The following ZMIZ1 variants were observed in gnomAD, a reference collection of about 807,000 sequenced individuals.
ZMIZ1 encodes the protein zinc finger MIZ domain-containing protein 1.
ZMIZ1 carries 17 observed loss-of-function variants against 113.9 expected under a neutral mutation model. The ratio of observed to expected loss-of-function variants is 0.15; its 90% CI spans 0.10 to 0.22. The LOEUF (loss-of-function observed/expected upper bound fraction) is 0.22. Among genes scored for constraint, ZMIZ1 ranks in the 10% least tolerant of loss-of-function variants. The pLI is 1.00. For synonymous variants in ZMIZ1, 607 were observed against 603.1 expected, an observed-to-expected ratio of 1.01 and a Z score of -0.09; for missense variants, 1,059 against 1,477.8, an observed-to-expected ratio of 0.72 and a Z score of 4.65.
At chr10:79,235,749 T>C (rs1849564202) in intron 7 of ZMIZ1, among the ~76,000 whole-genome samples, 1 of 152,134 alleles carries the variant, frequency 6.6e-6, no homozygotes, top group South Asian at 2.1e-4. Context: ...AATCCCACAC[T>C]GTGCTGGGAA....
At chr10:79,265,957 C>T (rs1352744429) in intron 7 of ZMIZ1, among the ~76,000 whole-genome samples, 1 of 152,194 alleles carries the variant, frequency 6.6e-6, no homozygotes, top group Non-Finnish European at 1.5e-5. Flanking sequence ...TCCCTGCTAG[C>T]GGTGTGGAGA....
intron 1 of ZMIZ1, among the ~76,000 whole-genome samples, chr10:79,084,269 A>C (rs931934964): frequency 1.3e-5 from 2 of 152,058 alleles, no homozygotes; most frequent in Non-Finnish European, 2.9e-5. Context: ...TCTCCCTCCC[A>C]CACTCTATTG....
intron 8 of ZMIZ1, among the ~76,000 whole-genome samples, chr10:79,283,292 T>G (rs929725119): frequency 3.9e-5 from 6 of 152,144 alleles, no homozygotes; most frequent in African/African-American, 1.4e-4. Flanking sequence ...CTGCTGGGCC[T>G]TGAGTTTCAG....
At chr10:79,256,059 C>T (rs1850880992) in intron 7 of ZMIZ1, among the ~76,000 whole-genome samples, 1 of 152,214 alleles carries the variant, frequency 6.6e-6, no homozygotes, top group African/African-American at 2.4e-5. Flanking sequence ...AGGGCCCCTT[C>T]CTTGGCATTG....
chr10:79,241,886 A>G (rs376993592), intron 7 of ZMIZ1, among the ~76,000 whole-genome samples: 4 of 152,226 alleles, frequency 2.6e-5, no homozygotes, highest in African/African-American at 9.6e-5. Flanking sequence ...CCAGGGCAGC[A>G]GGGCACGGCA....
intron 4 of ZMIZ1, among the ~76,000 whole-genome samples, chr10:79,165,980 G>GCA (rs1209168160): frequency 2.1e-3 from 322 of 149,844 alleles, no homozygotes; most frequent in Middle Eastern, 3.4e-3. Context: ...GTGTGTGTGT[G>GCA]TGTGTGTGTG....
At chr10:79,113,496 G>T (rs1843840927) in intron 1 of ZMIZ1, among the ~76,000 whole-genome samples, 1 of 152,184 alleles carries the variant, frequency 6.6e-6, no homozygotes, top group Non-Finnish European at 1.5e-5. Context: ...TGGCCTGAAT[G>T]TGACTGGTGC....
intron 2 of ZMIZ1, among the ~76,000 whole-genome samples, chr10:79,122,165 A>G (rs555045986): frequency 3.9e-5 from 6 of 152,098 alleles, no homozygotes; most frequent in Non-Finnish European, 8.8e-5. Flanking sequence ...AGGCGCCACC[A>G]GTTACTTACC....
chr10:79,265,453 CCTT>C (rs1375007053), intron 7 of ZMIZ1, among the ~76,000 whole-genome samples: 2 of 148,964 alleles, frequency 1.3e-5, no homozygotes, highest in Non-Finnish European at 3.0e-5. Flanking sequence ...GCAGACAACT[CCTT>C]TTTTTTCTTT....
chr10:79,121,353 T>A (rs1844283891), intron 2 of ZMIZ1, among the ~76,000 whole-genome samples: 1 of 152,164 alleles, frequency 6.6e-6, no homozygotes, highest in Non-Finnish European at 1.5e-5. Context: ...CCTCCCTCCT[T>A]CCCAGAGAGC....
intron 3 of ZMIZ1, among the ~76,000 whole-genome samples, chr10:79,141,493 G>A (rs904956696): frequency 2.0e-5 from 3 of 151,758 alleles, no homozygotes; most frequent in Admixed American, 6.6e-5. Flanking sequence ...CTGTAACCTC[G>A]ACCTCCCCAG....
chr10:79,251,417 A>G (rs1850549732), intron 7 of ZMIZ1, among the ~76,000 whole-genome samples: 1 of 151,962 alleles, frequency 6.6e-6, no homozygotes, highest in Non-Finnish European at 1.5e-5. Context: ...GGTTCTCCTC[A>G]TGTTTGTGGG....
intron 7 of ZMIZ1, among the ~76,000 whole-genome samples, chr10:79,271,954 T>G (rs976012895): frequency 6.6e-6 from 1 of 152,168 alleles, no homozygotes. Context: ...TTAAACACTT[T>G]GTAGGTGTTA....
At chr10:79,277,054 G>T (rs369529318) in intron 7 of ZMIZ1, 127 bp from the exon 8 acceptor site, 4 of 1,221,944 alleles carry the variant, frequency 3.3e-6, no homozygotes, top group East Asian at 2.8e-5. Flanking sequence ...TAAGTCTTCT[G>T]GCGTCACACG....
At chr10:79,210,700 G>C (rs1327370004) in intron 6 of ZMIZ1, among the ~76,000 whole-genome samples, 1 of 152,250 alleles carries the variant, frequency 6.6e-6, no homozygotes, top group East Asian at 1.9e-4. Context: ...GAGGTGTAAA[G>C]CAGCTAACAC....
chr10:79,262,443 C>T (rs2131908213), intron 7 of ZMIZ1, among the ~76,000 whole-genome samples: 1 of 152,372 alleles, frequency 6.6e-6, no homozygotes, highest in Admixed American at 6.5e-5. Flanking sequence ...GGGACCGCAC[C>T]ATCCAGACAT....
At chr10:79,187,972 T>C (rs1420537727) in intron 4 of ZMIZ1, among the ~76,000 whole-genome samples, 1 of 152,244 alleles carries the variant, frequency 6.6e-6, no homozygotes. Flanking sequence ...TGCCATCTTC[T>C]GATCTTGGGC....
intron 7 of ZMIZ1, among the ~76,000 whole-genome samples, chr10:79,255,020 G>A (rs1297926032): frequency 2.0e-5 from 3 of 152,194 alleles, no homozygotes; most frequent in Admixed American, 6.5e-5. Context: ...CCTCCAGCCC[G>A]GGCTGGCTGG....
Position 79,312,691 on chromosome 10 carries a change from C to G in ZMIZ1, c.3146C>G (p.Pro1049Arg). 6.2e-7 allele frequency: 1 copy of G among 1,614,230 alleles called. No homozygotes were observed. The highest frequency in any genetic ancestry group is 8.5e-7 in the Non-Finnish European group (1 of 1,180,034). Reference protein sequence around the residue: ...NPDELLSYLDPPDLPSNSNDD... With the variant: ...NPDELLSYLDRPDLPSNSNDD... The stretch of plus-strand genomic sequence containing the variant: ...GACGAGCTCCTGTCTTATCTGGACC[C>G]CCCCGACCTGCCGAGCAATAGTAAC... The change falls in exon 25 of 25, where the codon CCC (proline) becomes CGC (arginine). Residue 1049 changes from proline (P) to arginine (R), a missense_variant. Pro to Arg is a moderately radical substitution (Grantham distance 103). Coordinates refer to ENST00000334512, the MANE Select transcript of ZMIZ1 (RefSeq NM_020338.4).
Sources: gnomAD v4.1 joint callset for allele counts (sites outside exome capture counted in the v4.1 genomes callset) on GRCh38, gnomAD v4.1.1 for gene constraint, MANE v1.5 for transcripts, NCBI Gene and HGNC (gene_info 2026-07-23, HGNC 2026-07-21) for gene names.